Variants in PAPSS1 observed in about 807,000 individuals in gnomAD.
PAPSS1 encodes the protein 3'-phosphoadenosine 5'-phosphosulfate synthase 1, also known as bifunctional 3'-phosphoadenosine 5'-phosphosulfate synthase 1.
Under a neutral mutation model 72.0 loss-of-function variants are expected in PAPSS1, and 50 were observed. The observed-to-expected ratio is 0.69, with a 90% CI of 0.55 to 0.88. The LOEUF is 0.88. Ranked by LOEUF, PAPSS1 falls within the 40% of genes least tolerant of loss-of-function variation. The pLI is 0.00. For synonymous variants in PAPSS1, 261 were observed against 263.6 expected (o/e 0.99, Z 0.09); for missense variants, 657 against 782.2 (o/e 0.84, Z 1.91).
chr4:107,674,886 A>G (rs1428321083), intron 5 of PAPSS1, among the ~76,000 whole-genome samples: 2 of 152,216 alleles, frequency 1.3e-5, no homozygotes, highest in Non-Finnish European at 2.9e-5. Context: ...AACTCACTCA[A>G]AACCACTCAA....
chr4:107,629,996 T>C (rs1726189809), intron 11 of PAPSS1, among the ~76,000 whole-genome samples: 2 of 152,192 alleles, frequency 1.3e-5, no homozygotes, highest in African/African-American at 4.8e-5. Flanking sequence ...AATTTGGCTC[T>C]TTCTGGCTTC....
At chr4:107,702,787 G>A (rs905228606) in intron 1 of PAPSS1, among the ~76,000 whole-genome samples, 1 of 151,870 alleles carries the variant, frequency 6.6e-6, no homozygotes, top group Non-Finnish European at 1.5e-5. Flanking sequence ...TCTTGACTAT[G>A]GTAAATAGTG....
intron 3 of PAPSS1, among the ~76,000 whole-genome samples, chr4:107,691,972 T>TACG (rs1553921667): frequency 3.3e-5 from 5 of 151,640 alleles, no homozygotes; most frequent in Non-Finnish European, 5.9e-5. Context: ...TAAATGGTGC[T>TACG]AGAACTGGCT....
chr4:107,698,773 G>A lies in PAPSS1; in HGVS notation c.175+2398C>T, dbSNP rs537487627. ...ACAACATTGTGAGTTTCACCTCCAG[G>A]AGCTCAATCAGGTTCTCACAGTAAA... On this transcript the variant is annotated intron_variant, in intron 2 of 11. Transcript: ENST00000265174. Among the ~76,000 whole-genome samples the A allele has an allele frequency of 3.9e-5, 6 of 152,298 alleles. No individual in the cohort carries two copies. The South Asian group carries it at 1.2e-3, about 32-fold the overall frequency.
chr4:107,638,502 C>T (rs1223582267), intron 10 of PAPSS1, among the ~76,000 whole-genome samples: 1 of 152,072 alleles, frequency 6.6e-6, no homozygotes, highest in Non-Finnish European at 1.5e-5. Context: ...GTGACCTTGC[C>T]CTGGCTGACC....
At chr4:107,715,986 C>T (rs754854105) in intron 1 of PAPSS1, among the ~76,000 whole-genome samples, 7 of 152,228 alleles carry the variant, frequency 4.6e-5, no homozygotes, top group African/African-American at 1.7e-4. Flanking sequence ...GTGACAAAAC[C>T]GTAATCTGAA....
In PAPSS1 at chr4:107,697,402, G is replaced by A. The variant is rs560060673; in HGVS notation, c.176-3396C>T. On this transcript the variant is annotated intron_variant, in intron 2 of 11. Transcript: ENST00000265174. ...AGGTGGAACAAAGGGATGGTGGCTA[G>A]GGTGAAAAAGGTTGTTCGTTATTTC... Among the ~76,000 whole-genome samples the A allele has an allele frequency of 2.2e-4, 33 of 152,306 alleles. 1 individual carries two copies. The South Asian group carries it at 6.8e-3, about 32-fold the overall frequency.
chr4:107,717,311 C>T (rs1413536779), intron 1 of PAPSS1, among the ~76,000 whole-genome samples: 3 of 137,586 alleles, frequency 2.2e-5, no homozygotes, highest in African/African-American at 8.6e-5. Context: ...CTAAGGCTGT[C>T]CCTCAAATGC....
In PAPSS1 at chr4:107,617,135, T is replaced by C. The variant is rs143585169; in HGVS notation, c.1737-2748A>G. Among the ~76,000 whole-genome samples the C allele has an allele frequency of 6.9e-4, 105 of 152,222 alleles. 1 individual carries two copies. Among genetic ancestry groups the C allele is most frequent in the Admixed American group, 2.4e-3 (37 of 15,284 alleles). On this transcript the variant is annotated intron_variant, in intron 11 of 11. Coordinates refer to ENST00000265174, the MANE Select transcript of PAPSS1 (RefSeq NM_005443.5). The stretch of plus-strand genomic sequence containing the variant: ...CTAGGTGGTATATCAAGCTTCTGGT[T>C]TCCTCTGTTTGATGTTTGTTATCTG...
chr4:107,640,297 T>C (rs1451498499), intron 10 of PAPSS1, among the ~76,000 whole-genome samples: 1 of 152,180 alleles, frequency 6.6e-6, no homozygotes, highest in Non-Finnish European at 1.5e-5. Flanking sequence ...TGAAATGGAA[T>C]TTAGGATTCA....
Position 107,656,986 on chromosome 4 carries a change from C to T in PAPSS1, c.805G>A (p.Val269Ile), listed in dbSNP as rs1419573138. 1.9e-6 allele frequency: 3 copies of T among 1,613,722 alleles called. No individual in the cohort carries two copies. Among genetic ancestry groups the T allele is most frequent in the Admixed American group, 1.7e-5 (1 of 60,018 alleles). ...GGGGTTGCCCAACCTTCTGCCAAAACCTGCACCCACTGCATATCCACCTAG... is the reference window on the plus strand; with the variant it reads ...GGGGTTGCCCAACCTTCTGCCAAAATCTGCACCCACTGCATATCCACCTAG... ...INKVDMQWVQ[V>I]LAEGWATPLN... Residue 269 changes from valine (V) to isoleucine (I), a missense_variant, in exon 7 of 12, where the codon GTT (valine) becomes ATT (isoleucine). By Grantham distance (29) the Val-to-Ile change is conservative. This residue lies in a region of PAPSS1 where 190 missense variants were observed against 176.7 expected (regional missense o/e 1.07). Coordinates refer to ENST00000265174, the MANE Select transcript of PAPSS1 (RefSeq NM_005443.5).
chr4:107,693,966 C>G lies in PAPSS1; in HGVS notation c.216G>C (p.Leu72Phe). 1 of 1,613,608 alleles carries G rather than the reference C, an allele frequency of 6.2e-7. No homozygotes were observed. Among genetic ancestry groups the G allele is most frequent in the Non-Finnish European group, 8.5e-7 (1 of 1,179,756 alleles). Residue 72 changes from leucine to phenylalanine, a missense_variant, in exon 3 of 12, where the codon TTG becomes TTC. By Grantham distance (22) the Leu-to-Phe change is conservative. Coordinates refer to ENST00000265174, the MANE Select transcript of PAPSS1 (RefSeq NM_005443.5). The stretch of plus-strand genomic sequence containing the variant: ...TACCATGACAAACCAGGTACTCCTC[C>G]AAGGCCATGCTCACAGTAGTCTTTC... Reference protein sequence around the residue: ...GAGKTTVSMALEEYLVCHGIP... With the variant: ...GAGKTTVSMAFEEYLVCHGIP...
At chr4:107,710,005 C>T (rs768443440) in intron 1 of PAPSS1, among the ~76,000 whole-genome samples, 26 of 152,156 alleles carry the variant, frequency 1.7e-4, no homozygotes, top group Non-Finnish European at 3.4e-4. Context: ...AGACTTAGGC[C>T]TGAATTTTTA....
chr4:107,617,685 T>C (rs2110294179), intron 11 of PAPSS1, among the ~76,000 whole-genome samples: 1 of 152,246 alleles, frequency 6.6e-6, no homozygotes, highest in East Asian at 1.9e-4. Flanking sequence ...TCTTCTTAGG[T>C]AAAACACATT....
intron 5 of PAPSS1, among the ~76,000 whole-genome samples, chr4:107,661,370 C>T (rs1338545022): frequency 6.6e-6 from 1 of 152,194 alleles, no homozygotes; most frequent in East Asian, 1.9e-4. Context: ...TGAAAACGTA[C>T]CTCCACTCAA....
In PAPSS1 at chr4:107,631,656, G is replaced by T. The variant is rs763786456; in HGVS notation, c.1711C>A (p.Arg571Ser). 4.3e-6 allele frequency: 7 copies of T among 1,613,200 alleles called. No individual in the cohort carries two copies. Among genetic ancestry groups the T allele is most frequent in the Non-Finnish European group, 5.9e-6 (7 of 1,179,202 alleles). ...TGTTCAGAGTCATAGTAGTCCATACGCTTCTTTTTCTTGTTGTAAGCTGCA... is the reference window on the plus strand; with the variant it reads ...TGTTCAGAGTCATAGTAGTCCATACTCTTCTTTTTCTTGTTGTAAGCTGCA... ...RVAAYNKKKK[R>S]MDYYDSEHHE... Residue 571 changes from arginine (R) to serine (S), a missense_variant, in exon 11 of 12, where the codon CGT (arginine) becomes AGT (serine). Arg to Ser is a moderately radical substitution (Grantham distance 110). Coordinates refer to ENST00000265174, the MANE Select transcript of PAPSS1 (RefSeq NM_005443.5).
chr4:107,710,200 AT>A (rs994225658), intron 1 of PAPSS1, among the ~76,000 whole-genome samples: 1 of 151,592 alleles, frequency 6.6e-6, no homozygotes, highest in Non-Finnish European at 1.5e-5. Flanking sequence ...CTGGGTTGGA[AT>A]TTTTTTTTAA....
chr4:107,655,484 G>C (rs1726979458), intron 7 of PAPSS1, among the ~76,000 whole-genome samples: 1 of 152,154 alleles, frequency 6.6e-6, no homozygotes, highest in African/African-American at 2.4e-5. Context: ...AGACAGTAAT[G>C]ACTGTATTTA....
Position 107,687,117 on chromosome 4 carries a change from C to G in PAPSS1, c.472G>C (p.Val158Leu). ...GASLPFFEVFVDAPLHVCEQR... is the reference protein window; with the variant it reads ...GASLPFFEVFLDAPLHVCEQR... The stretch of plus-strand genomic sequence containing the variant: ...TCACAAACATGCAGAGGAGCATCAA[C>G]AAATACTTCAAAAAACGGTAAACTT... Residue 158 changes from valine (V) to leucine (L), a missense_variant, in exon 4 of 12, where the codon GTT becomes CTT. This residue lies in a region of PAPSS1 where 119 missense variants were observed against 171.1 expected (regional missense o/e 0.70). Transcript: ENST00000265174. The G allele has an allele frequency of 1.2e-6, 2 of 1,600,404 alleles. No homozygotes were observed. Among genetic ancestry groups the G allele is most frequent in the Non-Finnish European group, 1.7e-6 (2 of 1,175,522 alleles).
Sources: allele counts gnomAD v4.1 joint callset (sites outside exome capture counted in the v4.1 genomes callset), GRCh38; gene constraint gnomAD v4.1.1; regional missense constraint gnomAD v4.1.1; transcripts MANE v1.5; gene names NCBI Gene and HGNC (gene_info 2026-07-23, HGNC 2026-07-21).